The following SNTB1 variants were observed in gnomAD, a reference collection of about 807,000 sequenced individuals.
SNTB1 encodes the protein syntrophin beta 1.
A neutral mutation model predicts 48.9 loss-of-function variants in SNTB1; 36 were observed. The observed-to-expected ratio is 0.74, with a 90% CI of 0.56 to 0.97. The LOEUF (loss-of-function observed/expected upper bound fraction) is 0.97. SNTB1 is among the 50% of genes least tolerant of loss of function. SNTB1 has a pLI of 0.00. For synonymous variants in SNTB1, 299 were observed against 294.6 expected, an observed-to-expected ratio of 1.01 and a Z score of -0.15; for missense variants, 786 against 703.4, an observed-to-expected ratio of 1.12 and a Z score of -1.33.
intron 5 of SNTB1, 137 bp from the exon 6 acceptor site, chr8:120,542,137 G>T (rs2130643339): frequency 1.7e-6 from 1 of 601,476 alleles, no homozygotes; most frequent in South Asian, 2.7e-5. Flanking sequence ...TATAGTCATT[G>T]TTCATGAAAA....
rs1819681370 is a variant in SNTB1, at chr8:120,773,766, A to G, written c.571+37507T>C. ...CCAAGCACCCTATCAAGTAGGTACT[A>G]TTATTATAGAGATAAGGACATTGAA... is the stretch of plus-strand genomic sequence containing the variant. On this transcript the variant is annotated intron_variant, in intron 1 of 6. Transcript: ENST00000517992. Among the ~76,000 whole-genome samples, 2 of 152,230 alleles carry G rather than the reference A, an allele frequency of 1.3e-5. 1 individual carries two copies. The highest frequency in any genetic ancestry group is 1.3e-4 in the Admixed American group (2 of 15,284).
chr8:120,781,989 T>G (rs190556941), intron 1 of SNTB1, among the ~76,000 whole-genome samples: 31 of 152,204 alleles, frequency 2.0e-4, no homozygotes, highest in African/African-American at 7.5e-4. Flanking sequence ...CAATGGAATT[T>G]TACTGTCTCA....
intron 4 of SNTB1, among the ~76,000 whole-genome samples, chr8:120,567,800 CAT>C (rs10533219): frequency 0.2 from 31,108 of 151,870 alleles, 4,017 homozygotes; most frequent in East Asian, 0.46. Flanking sequence ...TTTTTAAAAA[CAT>C]AGCTCTATAT....
chr8:120,580,531 A>G lies in SNTB1; in HGVS notation c.997-5306T>C, dbSNP rs1816031146. 1.3e-5 allele frequency among the ~76,000 whole-genome samples: 2 copies of G among 152,294 alleles called. 1 individual carries two copies. Among genetic ancestry groups the G allele is most frequent in the South Asian group, 4.1e-4 (2 of 4,826 alleles). On this transcript the variant is annotated intron_variant, in intron 3 of 6. Transcript: ENST00000517992. The stretch of plus-strand genomic sequence containing the variant: ...GACACTGTTTCCCCCAGCTCCCATG[A>G]GCAGGAAGGAAGGTCTAGATGTAAG...
At chr8:120,542,218 G>A in intron 5 of SNTB1, 1 of 488,040 alleles carries the variant, frequency 2.0e-6, no homozygotes, top group South Asian at 3.1e-5. Context: ...ATAATGGAAA[G>A]AAATTCCTTT....
Position 120,548,918 on chromosome 8 carries a change from C to G in SNTB1, c.1177G>C (p.Gly393Arg), listed in dbSNP as rs768714966. The change falls in exon 5 of 7, where the codon GGT (glycine) becomes CGT (arginine). Residue 393 changes from glycine to arginine, a missense_variant. Physicochemically the swap from Gly to Arg is moderately radical, Grantham distance 125. Transcript: ENST00000517992. ...SGPGKGSPQA[G>R]VDLSFATRTG... ...CGCGTTGCAAAGGACAGATCCACAC[C>G]AGCCTGGGGTGATCCCTTTCCTGGA... 6.2e-7 allele frequency: 1 copy of G among 1,605,108 alleles called. No individual in the cohort carries two copies. Among genetic ancestry groups the G allele is most frequent in the Non-Finnish European group, 8.5e-7 (1 of 1,175,688 alleles).
chr8:120,693,782 T>C lies in SNTB1; in HGVS notation c.698A>G (p.Gln233Arg). The change falls in exon 2 of 7, where the codon CAG becomes CGG. Residue 233 changes from glutamine to arginine, a missense_variant. Transcript: ENST00000517992. The stretch of plus-strand genomic sequence containing the variant: ...CCGGTCTCTGTGGAAGGAGAAGGAC[T>C]GCGATGACGGGGGGTCTGAGGTGCT... ...GGSTSDPPSS[Q>R]SFSFHRDRKS... The C allele has an allele frequency of 6.2e-7, 1 of 1,614,042 alleles. No homozygotes were observed. The highest frequency in any genetic ancestry group is 8.5e-7 in the Non-Finnish European group (1 of 1,179,988).
At chr8:120,603,136 T>C (rs1816450673) in intron 3 of SNTB1, among the ~76,000 whole-genome samples, 1 of 151,822 alleles carries the variant, frequency 6.6e-6, no homozygotes, top group African/African-American at 2.4e-5. Context: ...GGGGTTTCGC[T>C]CTGTCGCCCA....
At chr8:120,544,566 T>C (rs1444874357) in intron 5 of SNTB1, among the ~76,000 whole-genome samples, 1 of 152,202 alleles carries the variant, frequency 6.6e-6, no homozygotes, top group African/African-American at 2.4e-5. Context: ...AGTCTATCAA[T>C]AGCTCGTGTT....
At chr8:120,593,449 C>G (rs1223240301) in intron 3 of SNTB1, among the ~76,000 whole-genome samples, 3 of 152,186 alleles carry the variant, frequency 2.0e-5, no homozygotes, top group Non-Finnish European at 4.4e-5. Flanking sequence ...TCCTGTGTCA[C>G]TCCATCCCAG....
chr8:120,582,857 C>T (rs1170698439), intron 3 of SNTB1, among the ~76,000 whole-genome samples: 1 of 152,088 alleles, frequency 6.6e-6, no homozygotes, highest in Admixed American at 6.6e-5. Flanking sequence ...AGCAAACCAC[C>T]ATGGCACATG....
intron 4 of SNTB1, among the ~76,000 whole-genome samples, chr8:120,570,102 C>T (rs951275907): frequency 6.6e-6 from 1 of 152,110 alleles, no homozygotes; most frequent in African/African-American, 2.4e-5. Context: ...CCTCATCTTA[C>T]CAGGGGGTTG....
intron 1 of SNTB1, among the ~76,000 whole-genome samples, chr8:120,762,141 C>T (rs1009562241): frequency 6.6e-6 from 1 of 152,162 alleles, no homozygotes; most frequent in Admixed American, 6.5e-5. Flanking sequence ...CTCATTATGT[C>T]CTGGCTTTCC....
intron 1 of SNTB1, among the ~76,000 whole-genome samples, chr8:120,797,799 A>T (rs1820147001): frequency 6.6e-6 from 1 of 151,888 alleles, no homozygotes; most frequent in South Asian, 2.1e-4. Context: ...CCTCAGCCCT[A>T]TAAAGAAAGC....
At chr8:120,599,209 C>T (rs1317569310) in intron 3 of SNTB1, among the ~76,000 whole-genome samples, 1 of 152,176 alleles carries the variant, frequency 6.6e-6, no homozygotes, top group African/African-American at 2.4e-5. Context: ...AGAGTGAGAA[C>T]AAGCCTTGGT....
At chr8:120,622,228 ATC>A (rs1330707471) in intron 3 of SNTB1, among the ~76,000 whole-genome samples, 1 of 152,162 alleles carries the variant, frequency 6.6e-6, no homozygotes, top group East Asian at 1.9e-4. Context: ...CTCCGTAAAG[ATC>A]TCTGTTTTCA....
At chr8:120,652,384 G>A (rs561302894) in intron 2 of SNTB1, among the ~76,000 whole-genome samples, 15 of 152,290 alleles carry the variant, frequency 9.8e-5, no homozygotes, top group Admixed American at 3.3e-4. Flanking sequence ...AAGTGATAGA[G>A]AGTAAAGAAA....
chr8:120,795,066 A>G (rs1049418517), intron 1 of SNTB1, among the ~76,000 whole-genome samples: 3 of 152,056 alleles, frequency 2.0e-5, no homozygotes, highest in Admixed American at 2.0e-4. Context: ...ATGAATGACA[A>G]ATATTTTTCA....
chr8:120,679,938 T>A (rs1817901912), intron 2 of SNTB1, among the ~76,000 whole-genome samples: 1 of 152,130 alleles, frequency 6.6e-6, no homozygotes, highest in African/African-American at 2.4e-5. Context: ...TATGAATTGC[T>A]CCAAACAAAC....
Sources: allele counts gnomAD v4.1 joint callset (sites outside exome capture counted in the v4.1 genomes callset), GRCh38; gene constraint gnomAD v4.1.1; transcripts MANE v1.5; gene names NCBI Gene and HGNC (gene_info 2026-07-23, HGNC 2026-07-21).